Variants in TACC2 observed in about 807,000 individuals in gnomAD.
The protein encoded by TACC2 is transforming acidic coiled-coil containing protein 2, also known as transforming acidic coiled-coil-containing protein 2.
In TACC2, 137 loss-of-function variants were observed where a neutral mutation model predicts 227.3. The ratio of observed to expected loss-of-function variants is 0.60; its 90% CI spans 0.52 to 0.69. The LOEUF (loss-of-function observed/expected upper bound fraction) is 0.69, where lower values mean the gene tolerates loss of function less well. Among genes scored for constraint, TACC2 ranks in the 30% least tolerant of loss-of-function variants. The pLI is 0.00. For synonymous variants in TACC2, 1,523 were observed against 1,487.5 expected (o/e 1.02, Z -0.55); for missense variants, 3,470 against 3,694.4 (o/e 0.94, Z 1.57).
chr10:122,227,078 C>T (rs74159096), intron 13 of TACC2, among the ~76,000 whole-genome samples: 4,025 of 152,210 alleles, frequency 0.026, 190 homozygotes, highest in African/African-American at 0.092. Context: ...GGAGGCTATC[C>T]GTCTTCCAGA....
intron 19 of TACC2, chr10:122,248,434 G>A: frequency 3.3e-6 from 2 of 601,514 alleles, no homozygotes; most frequent in Non-Finnish European, 5.9e-6. Context: ...GGCTGCACAG[G>A]CCCGGGTCTG....
At chr10:122,048,102 C>T (rs1237801470) in intron 2 of TACC2, among the ~76,000 whole-genome samples, 1 of 152,124 alleles carries the variant, frequency 6.6e-6, no homozygotes, top group Non-Finnish European at 1.5e-5. Flanking sequence ...TCAAGAAGTC[C>T]CCAGGTGCAG....
chr10:122,165,456 C>T lies in TACC2; in HGVS notation c.5834+21750C>T, dbSNP rs374739419. 2.0e-4 allele frequency among the ~76,000 whole-genome samples: 31 copies of T among 152,304 alleles called. No individual in the cohort carries two copies. The South Asian group carries it at 6.0e-3, about 30-fold the overall frequency. On this transcript the variant is annotated intron_variant, in intron 7 of 22. Coordinates refer to ENST00000369005, the MANE Select transcript of TACC2 (RefSeq NM_206862.4). ...GGAAATTCAGCTCGCCGGTCCCTAA[C>T]GTCCCCGCCCTCTTTTTCAGCTGAG...
Position 122,189,437 on chromosome 10 carries a change from C to T in TACC2, c.5835-5603C>T, listed in dbSNP as rs576962240. Among the ~76,000 whole-genome samples the T allele has an allele frequency of 2.0e-5, 3 of 152,256 alleles. No homozygotes were observed. In the South Asian group the frequency reaches 6.2e-4, roughly 32 times the overall value. On this transcript the variant is annotated intron_variant, in intron 7 of 22. Coordinates refer to ENST00000369005, the MANE Select transcript of TACC2 (RefSeq NM_206862.4). The stretch of plus-strand genomic sequence containing the variant: ...AGCCTGGACAATGCTGGCTGGCTTT[C>T]CCCGACCAGGGCTTTTGTCCAGAGC...
chr10:122,151,870 C>T (rs1268035751), intron 7 of TACC2, among the ~76,000 whole-genome samples: 1 of 152,216 alleles, frequency 6.6e-6, no homozygotes, highest in Admixed American at 6.5e-5. Flanking sequence ...AAGGCAGGTG[C>T]TGGGATACAG....
chr10:122,010,483 AATC>A (rs1488450610), intron 1 of TACC2, among the ~76,000 whole-genome samples: 8 of 152,194 alleles, frequency 5.3e-5, no homozygotes, highest in Admixed American at 3.3e-4. Context: ...CTTTACTGCA[AATC>A]ATGTTTCCAT....
intron 1 of TACC2, among the ~76,000 whole-genome samples, chr10:122,020,188 G>A (rs984121177): frequency 4.6e-5 from 7 of 152,078 alleles, no homozygotes; most frequent in Non-Finnish European, 8.8e-5. Flanking sequence ...TAACTGATAA[G>A]GCAGTGATTC....
chr10:122,090,471 C>T (rs184891813), intron 5 of TACC2, among the ~76,000 whole-genome samples: 7,973 of 145,716 alleles, frequency 0.055, 230 homozygotes, highest in South Asian at 0.12. Context: ...GGCGTGAACC[C>T]GGGAGGTGGA....
At position 122,150,057 on chromosome 10, in the gene TACC2, T is replaced by A. The variant is rs1178252181; in HGVS notation, c.5834+6351T>A. ...GCCTGAGGAGCAGGAGCAGAGGGCG[T>A]CAGTTAGATGGTGGCTCCCTCAGTT... On this transcript the variant is annotated intron_variant, in intron 7 of 22. Coordinates refer to ENST00000369005, the MANE Select transcript of TACC2 (RefSeq NM_206862.4). This position sits in a 1 kb window ranked among gnomAD's most constrained non-coding sequence, Gnocchi z 4.0. 6.6e-6 allele frequency among the ~76,000 whole-genome samples: 1 copy of A among 152,068 alleles called. No homozygotes were observed. The highest frequency in any genetic ancestry group is 1.5e-5 in the Non-Finnish European group (1 of 67,990).
chr10:122,050,526 G>A lies in TACC2; in HGVS notation c.122G>A (p.Ser41Asn). 1.2e-6 allele frequency: 2 copies of A among 1,614,060 alleles called. No individual in the cohort carries two copies. The highest frequency in any genetic ancestry group is 1.7e-6 in the Non-Finnish European group (2 of 1,180,024). Residue 41 changes from serine to asparagine, a missense_variant, in exon 3 of 23, where the codon AGC (serine) becomes AAC (asparagine). This residue lies in a region of TACC2 where 405 missense variants were observed against 389.6 expected (regional missense o/e 1.04). Coordinates refer to ENST00000369005, the MANE Select transcript of TACC2 (RefSeq NM_206862.4). This position sits in a 1 kb window ranked among gnomAD's most constrained non-coding sequence, Gnocchi z 4.6. ...IKRKQQDTPGSPDHRDASSIG... is the reference protein window; with the variant it reads ...IKRKQQDTPGNPDHRDASSIG... ...AGGAAGCAGCAGGACACGCCCGGAAGCCCTGACCACAGAGACGCGTCCAGG... is the reference window on the plus strand; with the variant it reads ...AGGAAGCAGCAGGACACGCCCGGAAACCCTGACCACAGAGACGCGTCCAGG...
chr10:122,065,647 G>A (rs1565196084), intron 3 of TACC2, among the ~76,000 whole-genome samples: 2 of 152,112 alleles, frequency 1.3e-5, no homozygotes, highest in African/African-American at 2.4e-5. Flanking sequence ...TGTTGTTCAC[G>A]TCATCTGTAT....
chr10:122,154,367 A>G (rs2092321323), intron 7 of TACC2, among the ~76,000 whole-genome samples: 1 of 152,220 alleles, frequency 6.6e-6, no homozygotes, highest in Admixed American at 6.5e-5. Flanking sequence ...CACAGGGGAA[A>G]TGCTTATGCA....
intron 7 of TACC2, among the ~76,000 whole-genome samples, chr10:122,153,070 ACTGCAGCCTCCGCCTCC>A (rs1190091344): frequency 7.4e-6 from 1 of 135,486 alleles, no homozygotes. Context: ...ATCTCGGCTC[ACTGCAGCCTCCGCCTCC>A]CAGGTTCAGG....
intron 7 of TACC2, among the ~76,000 whole-genome samples, chr10:122,183,617 C>T (rs149432815): frequency 0.013 from 2,014 of 152,278 alleles, 48 homozygotes; most frequent in African/African-American, 0.046. Context: ...CCCCCGTGGG[C>T]TGCTATGGAT....
chr10:122,101,723 CTT>C (rs1179126977), intron 5 of TACC2, among the ~76,000 whole-genome samples: 117 of 55,724 alleles, frequency 2.1e-3, no homozygotes, highest in African/African-American at 8.6e-3. Context: ...CCATGCCCAG[CTT>C]TTTTTTTTTT....
At chr10:121,997,609 G>A (rs185744484) in intron 1 of TACC2, among the ~76,000 whole-genome samples, 2,636 of 110,310 alleles carry the variant, frequency 0.024, 75 homozygotes, top group African/African-American at 0.065. Context: ...TTTTCAGAGA[G>A]AAGAACAAAG....
chr10:122,146,279 C>T lies in TACC2; in HGVS notation c.5834+2573C>T, dbSNP rs1053948828. Among the ~76,000 whole-genome samples, 11 of 150,516 alleles carry T rather than the reference C, an allele frequency of 7.3e-5. No individual in the cohort carries two copies. In the East Asian group the frequency reaches 9.7e-4, roughly 13 times the overall value. On this transcript the variant is annotated intron_variant, in intron 7 of 22. Transcript: ENST00000369005. ...CAGCATGTGCATGGACCCTGAGGTC[C>T]ATCTCAAAAAAAAAAAGTTATCAAT...
At chr10:122,132,329 TG>T (rs1216638687) in intron 5 of TACC2, among the ~76,000 whole-genome samples, 1 of 152,196 alleles carries the variant, frequency 6.6e-6, no homozygotes, top group Non-Finnish European at 1.5e-5. Flanking sequence ...GCAGATCACC[TG>T]AAGTCAGGAG....
chr10:122,241,436 C>T (rs1002225768), intron 18 of TACC2, among the ~76,000 whole-genome samples: 3 of 152,110 alleles, frequency 2.0e-5, no homozygotes. Flanking sequence ...GGATCACAGA[C>T]GCAGACCACC....
Sources: allele counts gnomAD v4.1 joint callset (sites outside exome capture counted in the v4.1 genomes callset), GRCh38; gene constraint gnomAD v4.1.1; regional missense constraint gnomAD v4.1.1; non-coding constraint Gnocchi (gnomAD v3.1); transcripts MANE v1.5; gene names NCBI Gene and HGNC (gene_info 2026-07-23, HGNC 2026-07-21).